The following TOP1MT variants were observed in gnomAD, a reference collection of about 807,000 sequenced individuals.
TOP1MT encodes the protein DNA topoisomerase I, mitochondrial.
TOP1MT carries 80 observed loss-of-function variants against 73.9 expected under a neutral mutation model. The ratio of observed to expected loss-of-function variants is 1.08; its 90% CI spans 0.90 to 1.30. The LOEUF (loss-of-function observed/expected upper bound fraction) is 1.30, where lower values mean the gene tolerates loss of function less well. Among genes scored for constraint, TOP1MT ranks in the 50% most tolerant of loss-of-function variants. The pLI is 0.00. For missense variants in TOP1MT, 815 were observed against 808.0 expected, an observed-to-expected ratio of 1.01 and a Z score of -0.10; for synonymous variants, 338 against 326.4, an observed-to-expected ratio of 1.04 and a Z score of -0.38.
chr8:143,349,813 G>A (rs1817291260), upstream of TOP1MT, among the ~76,000 whole-genome samples: 1 of 152,058 alleles, frequency 6.6e-6, no homozygotes, highest in Non-Finnish European at 1.5e-5. Context: ...GATAATTTTT[G>A]TATTTTTAGT....
chr8:143,325,158 G>A (rs1481659121), intron 5 of TOP1MT, among the ~76,000 whole-genome samples, 188 bp downstream of exon 5: 2 of 152,184 alleles, frequency 1.3e-5, no homozygotes, highest in South Asian at 2.1e-4. Flanking sequence ...TTCCGACCCC[G>A]TGGGAAGCAC....
Position 143,309,927 on chromosome 8 carries a change from T to C in TOP1MT, c.1703+141A>G, listed in dbSNP as rs769125205. On this transcript the variant is annotated intron_variant, in intron 13 of 13. Coordinates refer to ENST00000329245, the MANE Select transcript of TOP1MT (RefSeq NM_052963.3). Reference sequence around the variant, plus strand: ...GCTGATGACACAGGACTCAGCATCATGGGTCCCTGTCACAGGGAGGGCCTG... The same window carrying C: ...GCTGATGACACAGGACTCAGCATCACGGGTCCCTGTCACAGGGAGGGCCTG... 19 of 1,593,284 alleles carry C rather than the reference T, an allele frequency of 1.2e-5. No homozygotes were observed. The African/African-American group carries it at 2.1e-4, about 18-fold the overall frequency.
chr8:143,345,249 C>T (rs879494699), upstream of TOP1MT, among the ~76,000 whole-genome samples: 2 of 152,322 alleles, frequency 1.3e-5, no homozygotes, highest in Admixed American at 6.5e-5. Flanking sequence ...GGCAGAGCCA[C>T]GCACTGAGGG....
chr8:143,317,573 G>T, intron 10 of TOP1MT, 150 bp downstream of exon 10: 1 of 685,038 alleles, frequency 1.5e-6, no homozygotes, highest in Non-Finnish European at 2.4e-6. Context: ...GGCCACCTAG[G>T]CTGCCAAGCA....
chr8:143,309,721 A>G (rs1815950657), intron 13 of TOP1MT, 178 bp from the exon 14 acceptor site: 1 of 1,526,228 alleles, frequency 6.6e-7, no homozygotes, highest in Non-Finnish European at 8.8e-7. Context: ...ACCCTGGAGC[A>G]TCAGCGAGGT....
intron 6 of TOP1MT, 80 bp downstream of exon 6, chr8:143,324,405 G>A: frequency 6.3e-7 from 1 of 1,593,244 alleles, no homozygotes; most frequent in African/African-American, 1.3e-5. Context: ...CTCTGCCGGT[G>A]CCCGGCTTAC....
intron 1 of TOP1MT, chr8:143,332,703 C>T (rs571966839): frequency 1.7e-6 from 1 of 576,584 alleles, no homozygotes; most frequent in Non-Finnish European, 2.8e-6. Context: ...AGAGACGGAG[C>T]TGATAAAGTA....
chr8:143,326,367 C>G (rs1816707952), intron 3 of TOP1MT, 23 bp from the exon 4 acceptor site: 1 of 1,613,572 alleles, frequency 6.2e-7, no homozygotes, highest in East Asian at 2.2e-5. Context: ...CAGACACGCG[C>G]TCTCACCATG....
intron 12 of TOP1MT, among the ~76,000 whole-genome samples, chr8:143,311,583 TA>T (rs1349454307): frequency 1.3e-5 from 2 of 151,966 alleles, no homozygotes; most frequent in Non-Finnish European, 2.9e-5. Context: ...CCGTCTCTAC[TA>T]AAAATACAAA....
rs556952813 is a variant in TOP1MT at position 143,326,483 on chromosome 8, G to A, written c.361-139C>T. On this transcript the variant is annotated intron_variant, in intron 3 of 13. Transcript: ENST00000329245. ...TGTGCAATAGGCAGAACCTGCGCAC[G>A]GTCCTGCGGCCCCGTAAATAGAGCC... The A allele has an allele frequency of 7.9e-4, 882 of 1,118,690 alleles. 3 individuals carry two copies. Among genetic ancestry groups the A allele is most frequent in the African/African-American group, 4.4e-3 (286 of 64,510 alleles). 69.3% of individuals were successfully genotyped at this position (1,118,690 alleles called of 1,614,324 possible).
rs1339836598 is a variant in TOP1MT at position 143,322,141 on chromosome 8, GGCACGCCACAC to G, written c.961-766_961-756del. On this transcript the variant is annotated intron_variant, in intron 7 of 13. Transcript: ENST00000329245. ...GCCACACACACAGGCACGCCACACA[GGCACGCCACAC>G]GCACGCCACACACGCATGCCACACG... Among the ~76,000 whole-genome samples the G allele has an allele frequency of 2.9e-3, 64 of 21,876 alleles. 1 individual carries two copies. Among genetic ancestry groups the G allele is most frequent in the African/African-American group, 6.8e-3 (61 of 8,972 alleles). 14.4% of individuals were successfully genotyped at this position (21,876 alleles called of 152,430 possible).
At chr8:143,328,832 C>T (rs1467553072) in intron 3 of TOP1MT, among the ~76,000 whole-genome samples, 1 of 152,244 alleles carries the variant, frequency 6.6e-6, no homozygotes, top group African/African-American at 2.4e-5. Context: ...CAGACAGAAA[C>T]CCCGGAGGGC....
At chr8:143,325,253 G>A (rs757138897) in intron 5 of TOP1MT, 93 bp downstream of exon 5, 70 of 1,158,238 alleles carry the variant, frequency 6.0e-5, no homozygotes, top group Non-Finnish European at 7.2e-5. Flanking sequence ...CATGTTTCTC[G>A]GTGTGCCTCC....
chr8:143,348,599 T>TGGG (rs1817267348), upstream of TOP1MT, among the ~76,000 whole-genome samples: 1 of 116,876 alleles, frequency 8.6e-6, no homozygotes, highest in African/African-American at 3.8e-5. The surrounding 1 kb of genome is among the most constrained non-coding windows in gnomAD (Gnocchi z 4.6). Flanking sequence ...CACTGAGAGC[T>TGGG]GGGGGGTGGG....
At chr8:143,328,770 C>T (rs1816771303) in intron 3 of TOP1MT, among the ~76,000 whole-genome samples, 3 of 152,340 alleles carry the variant, frequency 2.0e-5, no homozygotes, top group African/African-American at 7.2e-5. Context: ...CGGCCAGAGC[C>T]AGGAAGATGC....
rs1455592552 is a variant in TOP1MT, at chr8:143,324,080, G to A, written c.879C>T (p.Ile293=). Reference sequence around the variant, plus strand: ...TCCAGTCAGCCCGGTACTGGGAGCGGATCTCGTCCACAAATCCCCGCAGGC... The same window carrying A: ...TCCAGTCAGCCCGGTACTGGGAGCGAATCTCGTCCACAAATCCCCGCAGGC... The part of the protein sequence containing the change: ...ARRLRGFVDE[I]RSQYRADWKS... Residue 293 remains isoleucine, a synonymous_variant, in exon 7 of 14, where the codon ATC becomes ATT. Transcript: ENST00000329245. 4 of 1,613,916 alleles carry A rather than the reference G, an allele frequency of 2.5e-6. No individual in the cohort carries two copies. Among genetic ancestry groups the A allele is most frequent in the Non-Finnish European group, 2.5e-6 (3 of 1,180,022 alleles).
chr8:143,317,527 G>A (rs771170198), intron 10 of TOP1MT, among the ~76,000 whole-genome samples, 196 bp downstream of exon 10: 22 of 152,304 alleles, frequency 1.4e-4, no homozygotes, highest in Non-Finnish European at 2.8e-4. Flanking sequence ...CTGGGGTCCC[G>A]AGAGCCAGAA....
At chr8:143,322,564 C>CAA (rs1816486861) in intron 7 of TOP1MT, among the ~76,000 whole-genome samples, 2 of 132,438 alleles carry the variant, frequency 1.5e-5, no homozygotes, top group Non-Finnish European at 3.1e-5. Context: ...ACGCCACACA[C>CAA]AGACACGCCA....
chr8:143,324,051 G>A lies in TOP1MT; in HGVS notation c.908C>T (p.Ser303Phe). 6.2e-7 allele frequency: 1 copy of A among 1,613,882 alleles called. No individual in the cohort carries two copies. Among genetic ancestry groups the A allele is most frequent in the South Asian group, 1.1e-5 (1 of 91,086 alleles). Reference protein sequence around the residue: ...IRSQYRADWKSREMKTRQRAV... With the variant: ...IRSQYRADWKFREMKTRQRAV... Reference sequence around the variant, plus strand: ...CCGCTGTCTCGTCTTCATTTCCCGAGACTTCCAGTCAGCCCGGTACTGGGA... The same window carrying A: ...CCGCTGTCTCGTCTTCATTTCCCGAAACTTCCAGTCAGCCCGGTACTGGGA... The change falls in exon 7 of 14, where the codon TCT becomes TTT. Residue 303 changes from serine to phenylalanine, a missense_variant. Coordinates refer to ENST00000329245, the MANE Select transcript of TOP1MT (RefSeq NM_052963.3).
Sources: gnomAD v4.1 joint callset for allele counts (sites outside exome capture counted in the v4.1 genomes callset) on GRCh38, gnomAD v4.1.1 for gene constraint, Gnocchi (gnomAD v3.1) non-coding constraint, MANE v1.5 for transcripts, NCBI Gene and HGNC (gene_info 2026-07-23, HGNC 2026-07-21) for gene names.